SLC4A4: variants seen among roughly 807,000 people sequenced by gnomAD.
SLC4A4 encodes the protein electrogenic sodium bicarbonate cotransporter 1.
Under a neutral mutation model 111.5 loss-of-function variants are expected in SLC4A4, and 27 were observed. The observed-to-expected ratio is 0.24, with a 90% CI of 0.18 to 0.33. The LOEUF is 0.33. SLC4A4 is among the 10% of genes least tolerant of loss of function. The probability of loss-of-function intolerance (pLI) is 1.00; values close to 1 mark genes in which losing one functional copy is unlikely to be tolerated. For missense variants in SLC4A4, 909 were observed against 1,315.5 expected (o/e 0.69, Z 4.78); for synonymous variants, 443 against 463.4 (o/e 0.96, Z 0.57).
rs562130926 is a variant in SLC4A4 at position 71,502,118 on chromosome 4, C to T, written c.2166+4426C>T. On this transcript the variant is annotated intron_variant, in intron 16 of 25. Transcript: ENST00000264485. ...CTGGGATTACAGGCGCTTGCCACCG[C>T]GCCCACTAATTTTTGTATTTTTTGT... Among the ~76,000 whole-genome samples the T allele has an allele frequency of 2.9e-4, 44 of 152,240 alleles. No individual in the cohort carries two copies. In the South Asian group the frequency reaches 3.7e-3, roughly 13 times the overall value.
chr4:71,126,021 G>A (rs550705060), intron 2 of SLC4A4, among the ~76,000 whole-genome samples: 1 of 152,182 alleles, frequency 6.6e-6, no homozygotes, highest in African/African-American at 2.4e-5. Context: ...CTTTTCATGT[G>A]ATGATTATTT....
chr4:71,175,002 C>T (rs1745045009), intron 2 of SLC4A4, among the ~76,000 whole-genome samples: 1 of 152,174 alleles, frequency 6.6e-6, no homozygotes, highest in South Asian at 2.1e-4. Flanking sequence ...GTTAGACATT[C>T]TAGTCTTGTC....
At chr4:71,541,723 A>G (rs1361484262) in intron 18 of SLC4A4, among the ~76,000 whole-genome samples, 2 of 97,830 alleles carry the variant, frequency 2.0e-5, no homozygotes, top group African/African-American at 4.0e-5. Flanking sequence ...GAGGAACAAG[A>G]GTGGAGGTGG....
intron 15 of SLC4A4, among the ~76,000 whole-genome samples, chr4:71,490,168 C>G (rs758500414): frequency 2.0e-5 from 3 of 151,762 alleles, no homozygotes; most frequent in Non-Finnish European, 4.4e-5. Flanking sequence ...TTAAAATTAG[C>G]CACAGCTTGT....
At chr4:71,096,287 T>C (rs1460518072) in intron 2 of SLC4A4, among the ~76,000 whole-genome samples, 1 of 152,046 alleles carries the variant, frequency 6.6e-6, no homozygotes, top group East Asian at 1.9e-4. Context: ...TGGGAATCAA[T>C]AGAATACAGT....
intron 14 of SLC4A4, among the ~76,000 whole-genome samples, chr4:71,474,362 A>G (rs1282405916): frequency 6.6e-6 from 1 of 151,940 alleles, no homozygotes; most frequent in Non-Finnish European, 1.5e-5. Context: ...GATTCTGAGG[A>G]AAAAGCTCTT....
At chr4:71,292,322 G>A (rs1724420700) in intron 3 of SLC4A4, among the ~76,000 whole-genome samples, 1 of 152,180 alleles carries the variant, frequency 6.6e-6, no homozygotes, top group South Asian at 2.1e-4. Context: ...CTTTAGCTCA[G>A]TTTTATGTTC....
intron 2 of SLC4A4, among the ~76,000 whole-genome samples, chr4:71,253,146 A>T (rs1011939354): frequency 1.4e-4 from 22 of 152,168 alleles, no homozygotes; most frequent in African/African-American, 3.6e-4. Flanking sequence ...GGCACCACTT[A>T]TGTGATAATG....
intron 2 of SLC4A4, among the ~76,000 whole-genome samples, chr4:71,134,706 G>T (rs778691049): frequency 3.9e-5 from 6 of 152,168 alleles, no homozygotes; most frequent in African/African-American, 1.4e-4. Context: ...CCTCAGTAGC[G>T]CTGAGCTTTG....
chr4:71,409,161 C>A (rs990999989), intron 7 of SLC4A4, among the ~76,000 whole-genome samples: 16 of 152,120 alleles, frequency 1.1e-4, no homozygotes, highest in African/African-American at 3.4e-4. Context: ...TGAAAACTAA[C>A]TAATATAGTA....
At chr4:71,549,099 C>G (rs1337750892) in intron 20 of SLC4A4, among the ~76,000 whole-genome samples, 1 of 151,810 alleles carries the variant, frequency 6.6e-6, no homozygotes, top group African/African-American at 2.4e-5. Flanking sequence ...TTGTTTCTGA[C>G]TATGTACAGA....
At position 71,563,780 on chromosome 4, in the gene SLC4A4, AT is replaced by A; in HGVS notation, c.3100-6del. ...AAAAACATTCTAAAACCTCTTGTAC[AT>A]TTTTTTCACAGTCTGACTGCCCATA... On this transcript the variant is annotated splice_polypyrimidine_tract_variant and intron_variant, in intron 23 of 25. Transcript: ENST00000264485. 10 of 1,551,620 alleles carry A rather than the reference AT, an allele frequency of 6.4e-6. No homozygotes were observed. The highest frequency in any genetic ancestry group is 8.0e-6 in the Non-Finnish European group (9 of 1,123,916).
At chr4:71,078,052 G>T (rs560797333) in intron 1 of SLC4A4, among the ~76,000 whole-genome samples, 1 of 152,178 alleles carries the variant, frequency 6.6e-6, no homozygotes, top group East Asian at 1.9e-4. Context: ...GATAAGATAG[G>T]ATTCTAGAAA....
chr4:71,394,997 A>G (rs1312579212), intron 6 of SLC4A4, among the ~76,000 whole-genome samples: 1 of 152,188 alleles, frequency 6.6e-6, no homozygotes, highest in Non-Finnish European at 1.5e-5. Context: ...TGATGAGTGC[A>G]TCAAAATCTC....
chr4:71,293,935 A>C lies in SLC4A4; in HGVS notation c.253+38536A>C, dbSNP rs189960785. On this transcript the variant is annotated intron_variant, in intron 3 of 25. Transcript: ENST00000264485. ...GAATCAGCAGGAAGGGTGAGTTTTC[A>C]TAACATCAGTGAAGGATGAGGTAAT... Among the ~76,000 whole-genome samples, 2 of 152,358 alleles carry C rather than the reference A, an allele frequency of 1.3e-5. 1 individual carries two copies. The highest frequency in any genetic ancestry group is 4.8e-5 in the African/African-American group (2 of 41,584).
chr4:71,437,933 G>A (rs1300625597), intron 7 of SLC4A4: 1 of 163,200 alleles, frequency 6.1e-6, no homozygotes, highest in African/African-American at 2.4e-5. Flanking sequence ...ATGGTCGTTA[G>A]CTCACGCAAG....
At chr4:71,450,992 T>C (rs1725710315) in intron 10 of SLC4A4, among the ~76,000 whole-genome samples, 196 bp from the exon 11 acceptor site, 1 of 152,228 alleles carries the variant, frequency 6.6e-6, no homozygotes, top group South Asian at 2.1e-4. Flanking sequence ...TCATTCAACT[T>C]TCCTATTCAT....
intron 7 of SLC4A4, among the ~76,000 whole-genome samples, chr4:71,424,897 G>A (rs902316789): frequency 3.3e-5 from 5 of 152,004 alleles, no homozygotes; most frequent in Middle Eastern, 6.8e-3. Flanking sequence ...GCTAGATGAC[G>A]AGTTAGTGGG....
intron 1 of SLC4A4, among the ~76,000 whole-genome samples, chr4:71,065,969 C>G (rs1313257271): frequency 6.6e-6 from 1 of 151,962 alleles, no homozygotes. Flanking sequence ...GTTGTATATG[C>G]CTTCCATTAT....
Sources: allele counts gnomAD v4.1 joint callset (sites outside exome capture counted in the v4.1 genomes callset), GRCh38; gene constraint gnomAD v4.1.1; transcripts MANE v1.5; gene names NCBI Gene and HGNC (gene_info 2026-07-23, HGNC 2026-07-21).